PRKCE: variants seen among roughly 807,000 people sequenced by gnomAD.
PRKCE encodes protein kinase C epsilon type.
A neutral mutation model predicts 85.4 loss-of-function variants in PRKCE; 16 were observed. That is an observed-to-expected ratio of 0.19 (90% CI 0.13 to 0.28). The LOEUF is 0.28. PRKCE is among the 10% of genes least tolerant of loss of function. The pLI is 1.00. For synonymous variants in PRKCE, 388 were observed against 371.5 expected, an observed-to-expected ratio of 1.04 and a Z score of -0.51; for missense variants, 573 against 975.2, an observed-to-expected ratio of 0.59 and a Z score of 5.49.
intron 2 of PRKCE, among the ~76,000 whole-genome samples, chr2:45,936,634 G>A (rs55697510): frequency 0.02 from 3,097 of 152,316 alleles, 104 homozygotes; most frequent in African/African-American, 0.071. Flanking sequence ...CACCAAGGCC[G>A]GAGGATGCCC....
chr2:46,014,145 G>C (rs1705924268), intron 10 of PRKCE, among the ~76,000 whole-genome samples: 1 of 152,180 alleles, frequency 6.6e-6, no homozygotes, highest in Non-Finnish European at 1.5e-5. Flanking sequence ...TCCAGGGCTA[G>C]TGAGAAAAAG....
At chr2:45,918,013 C>T (rs1697956624) in intron 2 of PRKCE, among the ~76,000 whole-genome samples, 1 of 152,236 alleles carries the variant, frequency 6.6e-6, no homozygotes, top group African/African-American at 2.4e-5. Context: ...TCTAGCTGGC[C>T]CGCTAGCGCC....
intron 2 of PRKCE, among the ~76,000 whole-genome samples, chr2:45,863,148 T>G (rs1199346326): frequency 6.6e-6 from 1 of 152,068 alleles, no homozygotes; most frequent in Non-Finnish European, 1.5e-5. Flanking sequence ...GTATGCAGAA[T>G]TAGGCTACTC....
At chr2:45,945,719 A>G (rs887717194) in intron 2 of PRKCE, among the ~76,000 whole-genome samples, 2 of 152,212 alleles carry the variant, frequency 1.3e-5, no homozygotes, top group Non-Finnish European at 1.5e-5. Context: ...AGAAGTTTTA[A>G]AGAGATGCTG....
At chr2:45,784,280 G>A (rs1355841139) in intron 1 of PRKCE, among the ~76,000 whole-genome samples, 1 of 152,258 alleles carries the variant, frequency 6.6e-6, no homozygotes, top group African/African-American at 2.4e-5. Flanking sequence ...GGTGGTCTTT[G>A]CAGAGGGAGC....
chr2:46,118,950 A>G (rs1173582825), intron 11 of PRKCE, among the ~76,000 whole-genome samples: 1 of 152,206 alleles, frequency 6.6e-6, no homozygotes, highest in African/African-American at 2.4e-5. Flanking sequence ...GTTCCATCTT[A>G]GGATGCTGGA....
chr2:45,990,305 A>G (rs975909282), intron 6 of PRKCE, among the ~76,000 whole-genome samples: 3 of 152,250 alleles, frequency 2.0e-5, no homozygotes, highest in Non-Finnish European at 2.9e-5. Context: ...CAATGCAAAC[A>G]AGAAAGTGAG....
chr2:45,684,135 G>C (rs1288553438), intron 1 of PRKCE, among the ~76,000 whole-genome samples: 1 of 152,220 alleles, frequency 6.6e-6, no homozygotes, highest in Admixed American at 6.5e-5. Flanking sequence ...TGTGCATTCA[G>C]AGAGGTGATG....
intron 2 of PRKCE, among the ~76,000 whole-genome samples, chr2:45,864,781 A>G (rs1393882653): frequency 6.6e-6 from 1 of 152,212 alleles, no homozygotes; most frequent in African/African-American, 2.4e-5. Flanking sequence ...TTTGAGGTAG[A>G]GTACTTGCTT....
intron 10 of PRKCE, among the ~76,000 whole-genome samples, chr2:46,079,993 A>G (rs533107075): frequency 1.3e-5 from 2 of 152,316 alleles, no homozygotes; most frequent in South Asian, 4.1e-4. Context: ...AACTTTTTAG[A>G]CATTCAGGTG....
At chr2:46,163,052 G>T (rs1433330691) in intron 14 of PRKCE, among the ~76,000 whole-genome samples, 1 of 152,258 alleles carries the variant, frequency 6.6e-6, no homozygotes, top group East Asian at 1.9e-4. Flanking sequence ...AAACTCACTT[G>T]AGGTTTTCAT....
intron 2 of PRKCE, among the ~76,000 whole-genome samples, chr2:45,953,784 G>A (rs982395095): frequency 3.9e-5 from 6 of 152,280 alleles, no homozygotes; most frequent in Admixed American, 2.0e-4. Context: ...GGCCACAGGC[G>A]CTGGCTTTCT....
chr2:45,813,999 C>A (rs974082344), intron 1 of PRKCE, among the ~76,000 whole-genome samples: 3 of 152,286 alleles, frequency 2.0e-5, no homozygotes, highest in Admixed American at 6.5e-5. Flanking sequence ...ATAAATTGAC[C>A]TTACCAAGGT....
At chr2:45,854,653 T>G (rs1415308631) in intron 2 of PRKCE, among the ~76,000 whole-genome samples, 1 of 152,264 alleles carries the variant, frequency 6.6e-6, no homozygotes, top group East Asian at 1.9e-4. Flanking sequence ...TTTTGAATTC[T>G]CAGATTGAAG....
chr2:45,725,361 A>G (rs1348636993), intron 1 of PRKCE, among the ~76,000 whole-genome samples: 1 of 152,212 alleles, frequency 6.6e-6, no homozygotes, highest in African/African-American at 2.4e-5. Context: ...CAAGGAGATT[A>G]ATGTTGTTTT....
intron 12 of PRKCE, among the ~76,000 whole-genome samples, chr2:46,147,907 T>C (rs1676242985): frequency 6.6e-6 from 1 of 152,210 alleles, no homozygotes; most frequent in Admixed American, 6.5e-5. Flanking sequence ...CTCAGGTTTC[T>C]CATCTTTCAC....
Position 45,761,614 on chromosome 2 carries a change from C to G in PRKCE, c.349-81386C>G, listed in dbSNP as rs990216344. On this transcript the variant is annotated intron_variant, in intron 1 of 14. Transcript: ENST00000306156. The stretch of plus-strand genomic sequence containing the variant: ...GGCCTCACTTTTGGGTCTAGTGGAT[C>G]TGGACTTGGGCCCCAGTCTAATCTC... Among the ~76,000 whole-genome samples the G allele has an allele frequency of 2.6e-5, 4 of 152,270 alleles. No homozygotes were observed. In the East Asian group the frequency reaches 7.7e-4, roughly 29 times the overall value.
At chr2:46,096,618 A>G (rs1670705290) in intron 11 of PRKCE, among the ~76,000 whole-genome samples, 1 of 152,208 alleles carries the variant, frequency 6.6e-6, no homozygotes, top group African/African-American at 2.4e-5. Context: ...CTGCAAGCCA[A>G]GGAGAGAGAC....
At chr2:45,687,723 C>G (rs923899015) in intron 1 of PRKCE, among the ~76,000 whole-genome samples, 1 of 152,172 alleles carries the variant, frequency 6.6e-6, no homozygotes, top group African/African-American at 2.4e-5. Flanking sequence ...ATAGGAGCAC[C>G]TCAGAAACAA....
Sources: gnomAD v4.1 joint callset for allele counts (sites outside exome capture counted in the v4.1 genomes callset) on GRCh38, gnomAD v4.1.1 for gene constraint, MANE v1.5 for transcripts, NCBI Gene and HGNC (gene_info 2026-07-23, HGNC 2026-07-21) for gene names.